The following USP35 variants were observed in gnomAD, a reference collection of about 807,000 sequenced individuals.
The protein encoded by USP35 is ubiquitin specific peptidase 35, also known as ubiquitin carboxyl-terminal hydrolase 35.
Under a neutral mutation model 83.8 loss-of-function variants are expected in USP35, and 69 were observed. The observed-to-expected ratio is 0.82, with a 90% CI of 0.68 to 1.01. USP35 has a LOEUF of 1.01. USP35 is among the 50% of genes least tolerant of loss of function. The probability of loss-of-function intolerance (pLI) is 0.00; values close to 1 mark genes in which losing one functional copy is unlikely to be tolerated. For synonymous variants in USP35, 714 were observed against 589.5 expected, an observed-to-expected ratio of 1.21 and a Z score of -3.06; for missense variants, 1,503 against 1,362.5, an observed-to-expected ratio of 1.10 and a Z score of -1.62.
chr11:78,222,219 G>A, the USP35 span: 1 of 1,504,292 alleles, frequency 6.6e-7, no homozygotes, highest in Non-Finnish European at 9.3e-7. Context: ...AGAAAGTCTG[G>A]TAATCAGCCA....
the USP35 span, chr11:78,225,250 T>C: frequency 1.6e-6 from 2 of 1,266,848 alleles, no homozygotes; most frequent in East Asian, 2.3e-5. Context: ...GATTCATGTG[T>C]TGACACTTAC....
intron 10 of USP35, among the ~76,000 whole-genome samples, chr11:78,211,529 ACT>A (rs1863773526): frequency 6.6e-6 from 1 of 152,192 alleles, no homozygotes; most frequent in Non-Finnish European, 1.5e-5. Context: ...GAATTGCCAC[ACT>A]GTCTTCCATG....
chr11:78,219,106 C>A, downstream of USP35: 1 of 648,446 alleles, frequency 1.5e-6, no homozygotes, highest in Non-Finnish European at 2.6e-6. Context: ...CAGGCCCTCA[C>A]CTCCCAGGGG....
the USP35 span, chr11:78,222,088 C>T: frequency 8.4e-6 from 13 of 1,548,580 alleles, no homozygotes; most frequent in South Asian, 1.1e-5. Flanking sequence ...CTCCCACCCC[C>T]ACACATACGC....
At chr11:78,192,571 C>T (rs1435574069) in intron 1 of USP35, among the ~76,000 whole-genome samples, 3 of 152,158 alleles carry the variant, frequency 2.0e-5, no homozygotes, top group Non-Finnish European at 2.9e-5. Context: ...AGACTGCCTG[C>T]GTGGGAGTTG....
chr11:78,228,258 A>G, the USP35 span, among the ~76,000 whole-genome samples: 1 of 152,178 alleles, frequency 6.6e-6, no homozygotes, highest in Non-Finnish European at 1.5e-5. Flanking sequence ...TTGGAGGGTG[A>G]GGTTCTGAGC....
intron 1 of USP35, among the ~76,000 whole-genome samples, chr11:78,192,907 T>C (rs1433399517): frequency 6.6e-6 from 1 of 152,182 alleles, no homozygotes; most frequent in Non-Finnish European, 1.5e-5. Context: ...TAGTACTCTT[T>C]CTACTACCAG....
downstream of USP35, chr11:78,218,702 C>T (rs1301951989): frequency 1.3e-5 from 2 of 153,164 alleles, no homozygotes; most frequent in Non-Finnish European, 2.9e-5. Flanking sequence ...CCCCTCAAGA[C>T]CACTGCTGAG....
Position 78,196,288 on chromosome 11 carries a change from G to A in USP35, c.43G>A (p.Val15Ile), listed in dbSNP as rs776528019. 11 of 1,595,206 alleles carry A rather than the reference G, an allele frequency of 6.9e-6. No individual in the cohort carries two copies. Among genetic ancestry groups the A allele is most frequent in the Non-Finnish European group, 9.3e-6 (11 of 1,177,746 alleles). ...GGCGGTGGTGACGTCGTCATACCCG[G>A]TCAGCGTGAAGCAGGGGCTGGTTCG... Reference protein sequence around the residue: ...LEAVVTSSYPVSVKQGLVRRV... With the variant: ...LEAVVTSSYPISVKQGLVRRV... The change falls in exon 2 of 11, where the codon GTC becomes ATC. Residue 15 changes from valine (V) to isoleucine (I), a missense_variant. Physicochemically the swap from Val to Ile is conservative, Grantham distance 29 (BLOSUM62 3). Transcript: ENST00000529308. The surrounding 1 kb of genome is among the most constrained non-coding windows in gnomAD (Gnocchi z 4.8).
At position 78,200,711 on chromosome 11, in the gene USP35, C is replaced by A. The variant is rs754530929; in HGVS notation, c.1100C>A (p.Thr367Asn). The change falls in exon 6 of 11, where the codon ACC becomes AAC. Residue 367 changes from threonine (T) to asparagine (N), a missense_variant. Physicochemically the swap from Thr to Asn is moderately conservative, Grantham distance 65 (BLOSUM62 0). Transcript: ENST00000529308. Reference sequence around the variant, plus strand: ...GTCAAGGAGGACTCGAACTCGGGGACCAGCTGCCTGGAGCAGCTGGCGGAG... The same window carrying A: ...GTCAAGGAGGACTCGAACTCGGGGAACAGCTGCCTGGAGCAGCTGGCGGAG... ...SLVKEDSNSG[T>N]SCLEQLAELV... 2 of 1,613,734 alleles carry A rather than the reference C, an allele frequency of 1.2e-6. No individual in the cohort carries two copies. Among genetic ancestry groups the A allele is most frequent in the Admixed American group, 1.7e-5 (1 of 60,022 alleles).
chr11:78,209,816 C>CT lies in USP35; in HGVS notation c.1961_1962insT (p.Thr655HisfsTer74). 1 of 1,613,662 alleles carries CT rather than the reference C, an allele frequency of 6.2e-7. No homozygotes were observed. The highest frequency in any genetic ancestry group is 8.5e-7 in the Non-Finnish European group (1 of 1,179,824). On this transcript the variant is annotated frameshift_variant, in exon 10 of 11. Coordinates refer to ENST00000529308, the MANE Select transcript of USP35 (RefSeq NM_020798.4). LOFTEE classifies it high-confidence loss of function. ...CACTGCATCACAGAGGACACCCCCC[C>CT]CACCAGCCTGTACATCGAAGGCCTG... is the stretch of plus-strand genomic sequence containing the variant.
chr11:78,223,187 C>CCA, the USP35 span, among the ~76,000 whole-genome samples: 1 of 152,164 alleles, frequency 6.6e-6, no homozygotes. Context: ...CTTTACTGAA[C>CCA]GCCTGCTATG....
chr11:78,220,436 T>TG, the USP35 span: 1 of 1,573,104 alleles, frequency 6.4e-7, no homozygotes. Context: ...ATGCAGACAC[T>TG]GGGTTTTGCT....
chr11:78,209,011 G>C (rs1253861995), intron 9 of USP35, 48 bp downstream of exon 9: 2 of 1,582,246 alleles, frequency 1.3e-6, no homozygotes, highest in Non-Finnish European at 1.7e-6. Flanking sequence ...GAGGGTCCTT[G>C]GGGGCAAGCC....
At chr11:78,225,183 G>A in the USP35 span, 5 of 1,610,300 alleles carry the variant, frequency 3.1e-6, no homozygotes, top group Non-Finnish European at 4.2e-6. Flanking sequence ...GTGGGTACTC[G>A]TAGGTCTCAC....
the USP35 span, among the ~76,000 whole-genome samples, chr11:78,230,258 G>T: frequency 6.6e-6 from 1 of 152,164 alleles, no homozygotes; most frequent in African/African-American, 2.4e-5. Context: ...ACTAGCTTAC[G>T]TTCCAACTTC....
intron 5 of USP35, 27 bp from the exon 6 acceptor site, chr11:78,200,623 G>C (rs1471701552): frequency 6.3e-7 from 1 of 1,587,474 alleles, no homozygotes; most frequent in Non-Finnish European, 8.6e-7. Flanking sequence ...GGTTGGTGCT[G>C]AGCCTGACGC....
rs1014999765 is a variant in USP35, at chr11:78,215,224, T to G, written c.*1411T>G. Reference sequence around the variant, plus strand: ...AATTATTTCCAAATAAAGCAAAAATTGGAACAGACTGGAGTGAGAACGGGT... The same window carrying G: ...AATTATTTCCAAATAAAGCAAAAATGGGAACAGACTGGAGTGAGAACGGGT... On this transcript the variant is annotated 3_prime_UTR_variant, in exon 11 of 11. Transcript: ENST00000529308. The G allele has an allele frequency of 2.0e-5, 3 of 152,462 alleles. No individual in the cohort carries two copies. Among genetic ancestry groups the G allele is most frequent in the Non-Finnish European group, 4.4e-5 (3 of 68,008 alleles). 9.4% of individuals were successfully genotyped at this position (152,462 alleles called of 1,614,324 possible).
In USP35 at chr11:78,209,705, C is replaced by G; in HGVS notation, c.1850C>G (p.Pro617Arg). The change falls in exon 10 of 11, where the codon CCC (proline) becomes CGC (arginine). Residue 617 changes from proline (P) to arginine (R), a missense_variant. Coordinates refer to ENST00000529308, the MANE Select transcript of USP35 (RefSeq NM_020798.4). ...CGCCGCCTGGGCTCTGTGATGCGCC[C>G]CACAGAAGACATCACAGCCCGGGAG... The part of the protein sequence containing the change: ...RRRRLGSVMR[P>R]TEDITARELP... The G allele has an allele frequency of 6.2e-7, 1 of 1,614,084 alleles. No homozygotes were observed. The highest frequency in any genetic ancestry group is 2.2e-5 in the East Asian group (1 of 44,868).
Sources: allele counts gnomAD v4.1 joint callset (sites outside exome capture counted in the v4.1 genomes callset), GRCh38; gene constraint gnomAD v4.1.1; non-coding constraint Gnocchi (gnomAD v3.1); transcripts MANE v1.5; gene names NCBI Gene and HGNC (gene_info 2026-07-23, HGNC 2026-07-21).